Variants in ZNF385C observed in about 807,000 individuals in gnomAD.
The protein encoded by ZNF385C is zinc finger protein 385C.
A neutral mutation model predicts 35.4 loss-of-function variants in ZNF385C; 28 were observed. The ratio of observed to expected loss-of-function variants is 0.79; its 90% CI spans 0.59 to 1.08. The LOEUF (loss-of-function observed/expected upper bound fraction) is 1.08, where lower values mean the gene tolerates loss of function less well. ZNF385C is among the 50% of genes least tolerant of loss of function. ZNF385C has a pLI of 0.00. For synonymous variants in ZNF385C, 248 were observed against 248.2 expected (o/e 1.00, Z 0.01); for missense variants, 605 against 595.6 (o/e 1.02, Z -0.16).
At chr17:42,071,900 C>A (rs781512610) in intron 1 of ZNF385C, among the ~76,000 whole-genome samples, 1 of 152,214 alleles carries the variant, frequency 6.6e-6, no homozygotes, top group Non-Finnish European at 1.5e-5. Flanking sequence ...GTCCTGGAAG[C>A]CAGAAGGAGG....
chr17:42,058,117 C>T (rs2053408960), intron 2 of ZNF385C, among the ~76,000 whole-genome samples: 1 of 152,030 alleles, frequency 6.6e-6, no homozygotes, highest in South Asian at 2.1e-4. Context: ...AGTAAGAATT[C>T]CAGGAGCCAG....
At chr17:42,088,035 T>C (rs1555660234) in intron 1 of ZNF385C, among the ~76,000 whole-genome samples, 1 of 152,238 alleles carries the variant, frequency 6.6e-6, no homozygotes, top group East Asian at 1.9e-4. Context: ...ATTCTTTAAA[T>C]GGTTAATTTT....
intron 1 of ZNF385C, among the ~76,000 whole-genome samples, chr17:42,087,420 T>C (rs2053820280): frequency 1.3e-5 from 2 of 152,210 alleles, no homozygotes. Flanking sequence ...AGCTGATTTA[T>C]GACCAAAAGA....
intron 2 of ZNF385C, chr17:42,039,645 G>C (rs2052956710): frequency 8.2e-7 from 1 of 1,212,950 alleles, no homozygotes; most frequent in East Asian, 3.2e-5. Flanking sequence ...GTCAAGTCTA[G>C]GTTGGCCCTT....
intron 1 of ZNF385C, among the ~76,000 whole-genome samples, chr17:42,079,178 C>G (rs1239213277): frequency 8.4e-6 from 1 of 118,888 alleles, no homozygotes; most frequent in Non-Finnish European, 1.7e-5. Context: ...ATGACAAAAC[C>G]CTGTCTCGCA....
chr17:42,098,255 C>A (rs1050497895), intron 1 of ZNF385C, among the ~76,000 whole-genome samples, 155 bp downstream of exon 1: 2 of 152,356 alleles, frequency 1.3e-5, no homozygotes, highest in South Asian at 2.1e-4. Context: ...AGATGCCCAA[C>A]GTCGGCGCTC....
At chr17:42,075,865 C>A (rs1020379991) in intron 1 of ZNF385C, among the ~76,000 whole-genome samples, 1 of 152,176 alleles carries the variant, frequency 6.6e-6, no homozygotes. Flanking sequence ...AACCTCCCCC[C>A]ATCTCTGCCC....
At chr17:42,028,392 C>T (rs528312700) in intron 6 of ZNF385C, 146 bp from the exon 7 acceptor site, 13 of 814,878 alleles carry the variant, frequency 1.6e-5, no homozygotes, top group South Asian at 8.2e-5. Flanking sequence ...CACGTGGTTT[C>T]CCCTCCCAGC....
At chr17:42,040,047 C>T in intron 2 of ZNF385C, 1 of 1,231,150 alleles carries the variant, frequency 8.1e-7, no homozygotes, top group Non-Finnish European at 1.0e-6. Flanking sequence ...GCTTAAACAG[C>T]GCGAAGTCGC....
At chr17:42,035,448 A>G (rs575176956) in intron 3 of ZNF385C, among the ~76,000 whole-genome samples, 19 of 149,200 alleles carry the variant, frequency 1.3e-4, no homozygotes, top group Middle Eastern at 7.0e-3. Flanking sequence ...CTCTCCCATC[A>G]CCCAGGCTTC....
intron 2 of ZNF385C, among the ~76,000 whole-genome samples, chr17:42,054,735 C>G (rs538222675): frequency 8.5e-5 from 13 of 152,230 alleles, no homozygotes; most frequent in African/African-American, 3.1e-4. Flanking sequence ...GTGCCTGCCA[C>G]CATGCCCAGC....
At chr17:42,032,134 C>T (rs565207853) in intron 4 of ZNF385C, among the ~76,000 whole-genome samples, 57 of 152,224 alleles carry the variant, frequency 3.7e-4, no homozygotes, top group African/African-American at 1.3e-3. Flanking sequence ...CATCTCAGCT[C>T]ACTGCAACCT....
rs2052958616 is a variant in ZNF385C, at chr17:42,039,710, T to A, written c.251-1825A>T. 3 of 1,232,436 alleles carry A rather than the reference T, an allele frequency of 2.4e-6. No homozygotes were observed. In the South Asian group the frequency reaches 1.2e-4, roughly 51 times the overall value. 76.3% of individuals were successfully genotyped at this position (1,232,436 alleles called of 1,614,324 possible). A position where few individuals can be genotyped will look rare whatever the true frequency, so the allele number is the denominator to read the frequency against. The stretch of plus-strand genomic sequence containing the variant: ...CCGAGGGAAGGAGGCCACCCTCAGG[T>A]GAGCTGCGACCCCAGGAAGCCCTCT... On this transcript the variant is annotated intron_variant, in intron 2 of 8. Transcript: ENST00000692273.
chr17:42,094,836 C>A (rs2053901212), intron 1 of ZNF385C, among the ~76,000 whole-genome samples: 1 of 152,230 alleles, frequency 6.6e-6, no homozygotes, highest in Admixed American at 6.5e-5. Flanking sequence ...CCGCTGCCGG[C>A]ATCTGGCCCC....
intron 7 of ZNF385C, 73 bp from the exon 8 acceptor site, chr17:42,027,801 T>C: frequency 6.8e-7 from 1 of 1,466,724 alleles, no homozygotes; most frequent in Non-Finnish European, 9.5e-7. Flanking sequence ...TCCTCGACTC[T>C]TCCCCTTCCT....
chr17:42,028,335 C>G (rs2052645825), intron 6 of ZNF385C, 89 bp from the exon 7 acceptor site: 3 of 1,331,978 alleles, frequency 2.3e-6, no homozygotes, highest in Non-Finnish European at 3.0e-6. Context: ...ATTTGGCTCT[C>G]CCTGTAAGCC....
chr17:42,069,445 C>G (rs1295800283), intron 1 of ZNF385C, among the ~76,000 whole-genome samples: 1 of 152,132 alleles, frequency 6.6e-6, no homozygotes, highest in Non-Finnish European at 1.5e-5. Flanking sequence ...ACTGTGGAGG[C>G]CAGAAAACAG....
intron 2 of ZNF385C, chr17:42,062,482 G>T: frequency 4.2e-6 from 1 of 235,674 alleles, no homozygotes; most frequent in Non-Finnish European, 8.1e-6. Flanking sequence ...AAAGCCTGTG[G>T]CTACCAGGAG....
intron 1 of ZNF385C, among the ~76,000 whole-genome samples, chr17:42,076,726 T>C (rs559954905): frequency 2.8e-4 from 43 of 152,316 alleles, no homozygotes; most frequent in Admixed American, 1.2e-3. Context: ...TTGGACCCCA[T>C]TGGATGACTC....
Sources: allele counts gnomAD v4.1 joint callset (sites outside exome capture counted in the v4.1 genomes callset), GRCh38; gene constraint gnomAD v4.1.1; transcripts MANE v1.5; gene names NCBI Gene and HGNC (gene_info 2026-07-23, HGNC 2026-07-21).